PHF12: variants seen among roughly 807,000 people sequenced by gnomAD.
PHF12 encodes the protein PHD factor 1.
In PHF12, 6 loss-of-function variants were observed where a neutral mutation model predicts 99.8. The observed-to-expected ratio is 0.06, with a 90% CI of 0.03 to 0.12. The LOEUF is 0.12. PHF12 is among the 10% of genes least tolerant of loss of function. PHF12 has a pLI of 1.00. For missense variants in PHF12, 954 were observed against 1,300.1 expected (o/e 0.73, Z 4.09); for synonymous variants, 480 against 514.9 (o/e 0.93, Z 0.92).
Position 28,906,893 on chromosome 17 carries a change from G to T in PHF12, c.2643C>A (p.Pro881=), listed in dbSNP as rs1233454003. ...GCACTTTGGCAACAATACTGCTTGGGGGGGTTGGCGGGGTCTTCTCCGAGA... is the reference window on the plus strand; with the variant it reads ...GCACTTTGGCAACAATACTGCTTGGTGGGGTTGGCGGGGTCTTCTCCGAGA... The part of the protein sequence containing the change: ...CDFSEKTPPT[P]PSSIVAKVQS... The change falls in exon 14 of 15, where the codon CCC becomes CCA. Residue 881 remains proline (P), a synonymous_variant. Coordinates refer to ENST00000332830, the MANE Select transcript of PHF12 (RefSeq NM_001033561.2). This position sits in a 1 kb window ranked among gnomAD's most constrained non-coding sequence, Gnocchi z 4.2. The T allele has an allele frequency of 1.2e-6, 2 of 1,612,210 alleles. No homozygotes were observed. Among genetic ancestry groups the T allele is most frequent in the Non-Finnish European group, 1.7e-6 (2 of 1,179,184 alleles).
chr17:28,909,216 G>A (rs1025997681), intron 11 of PHF12: 8 of 256,838 alleles, frequency 3.1e-5, no homozygotes, highest in Admixed American at 9.6e-5. Flanking sequence ...AGACGGCATG[G>A]ACCAGTGTTT....
intron 2 of PHF12, among the ~76,000 whole-genome samples, chr17:28,945,795 T>C (rs1248236066): frequency 6.6e-6 from 1 of 152,178 alleles, no homozygotes; most frequent in East Asian, 1.9e-4. Context: ...ACTCATGGCA[T>C]GATAATTATG....
chr17:28,935,314 C>T (rs964905429), intron 2 of PHF12, among the ~76,000 whole-genome samples: 1 of 152,140 alleles, frequency 6.6e-6, no homozygotes, highest in African/African-American at 2.4e-5. Context: ...CTCTGTCGCC[C>T]AGGCTGGAAT....
chr17:28,951,073 C>T lies in PHF12; in HGVS notation c.-113G>A. 6.5e-7 allele frequency: 1 copy of T among 1,540,388 alleles called. No homozygotes were observed. The highest frequency in any genetic ancestry group is 8.7e-7 in the Non-Finnish European group (1 of 1,142,906). On this transcript the variant is annotated 5_prime_UTR_variant, in exon 1 of 15. Coordinates refer to ENST00000332830, the MANE Select transcript of PHF12 (RefSeq NM_001033561.2). ...CCCCGGCCCCGCTTTTTTCCCAATACGGGTCCCGACTTCCTCGCCCTGGCT... is the reference window on the plus strand; with the variant it reads ...CCCCGGCCCCGCTTTTTTCCCAATATGGGTCCCGACTTCCTCGCCCTGGCT...
chr17:28,944,557 G>C (rs1270068914), intron 2 of PHF12: 2 of 971,216 alleles, frequency 2.1e-6, no homozygotes, highest in African/African-American at 1.8e-5. Flanking sequence ...TAAGGCAGGA[G>C]AATCACTTGA....
chr17:28,917,214 G>C, intron 7 of PHF12, 71 bp downstream of exon 7: 1 of 1,602,492 alleles, frequency 6.2e-7, no homozygotes, highest in Non-Finnish European at 8.5e-7. Context: ...GTAAAATTGG[G>C]ACAGTGATCC....
chr17:28,948,587 A>C (rs2040755663), intron 2 of PHF12, among the ~76,000 whole-genome samples: 2 of 152,228 alleles, frequency 1.3e-5, no homozygotes, highest in East Asian at 1.9e-4. Context: ...GGAGTTTCCT[A>C]CATAACTTCT....
intron 10 of PHF12, chr17:28,910,827 G>A (rs1368904159): frequency 7.2e-6 from 3 of 417,000 alleles, no homozygotes; most frequent in Non-Finnish European, 1.3e-5. Context: ...AAATCCAGGT[G>A]ATCTGCCTAA....
At position 28,947,853 on chromosome 17, in the gene PHF12, CA is replaced by C. The variant is rs761075168; in HGVS notation, c.248+2211del. 7.3e-5 allele frequency among the ~76,000 whole-genome samples: 11 copies of C among 150,596 alleles called. No individual in the cohort carries two copies. The South Asian group carries it at 2.3e-3, about 32-fold the overall frequency. On this transcript the variant is annotated intron_variant, in intron 2 of 14. Transcript: ENST00000332830. ...AAGCACTACTTCATTTACACATTCA[CA>C]AATCTCTGATTACCAGTTCCCATTC... is the stretch of plus-strand genomic sequence containing the variant.
At chr17:28,931,581 C>CA (rs978648470) in intron 2 of PHF12, among the ~76,000 whole-genome samples, 1 of 148,126 alleles carries the variant, frequency 6.8e-6, no homozygotes, top group Non-Finnish European at 1.5e-5. Context: ...TTAAGATCTG[C>CA]TTTTTTTTTG....
chr17:28,919,645 CAGG>C (rs2040125580), intron 5 of PHF12, among the ~76,000 whole-genome samples: 1 of 152,156 alleles, frequency 6.6e-6, no homozygotes, highest in Admixed American at 6.5e-5. Flanking sequence ...GAGGCTGAGG[CAGG>C]AGAATTGCTT....
Position 28,951,376 on chromosome 17 carries a change from G to A in PHF12, c.-416C>T, listed in dbSNP as rs1015677383. 1.0e-6 allele frequency: 1 copy of A among 986,390 alleles called. No homozygotes were observed. The highest frequency in any genetic ancestry group is 1.7e-5 in the African/African-American group (1 of 57,292). The allele number at this position is 986,390 out of a possible 1,614,324, so 61.1% of individuals were successfully genotyped here. On this transcript the variant is annotated 5_prime_UTR_variant, in exon 1 of 15. Coordinates refer to ENST00000332830, the MANE Select transcript of PHF12 (RefSeq NM_001033561.2). Reference sequence around the variant, plus strand: ...AGGTTGTGGTACGTGAGGTGACTGGGGGGAGGGTGATGGGGGGTGGTCCCC... The same window carrying A: ...AGGTTGTGGTACGTGAGGTGACTGGAGGGAGGGTGATGGGGGGTGGTCCCC...
chr17:28,912,976 G>A lies in PHF12; in HGVS notation c.1595C>T (p.Thr532Ile). The change falls in exon 9 of 15, where the codon ACC (threonine) becomes ATC (isoleucine). Residue 532 changes from threonine to isoleucine, a missense_variant. By Grantham distance (89) the Thr-to-Ile change is moderately conservative (BLOSUM62 -1). Transcript: ENST00000332830. ...TGGCCCATTGGCAGTCCCACAAGGG[G>A]TTTTCTTGGATTTTTCCGCACAAGA... ...CSSCAEKSKK[T>I]PCGTANGPVN... 6.2e-7 allele frequency: 1 copy of A among 1,614,210 alleles called. No homozygotes were observed. Among genetic ancestry groups the A allele is most frequent in the East Asian group, 2.2e-5 (1 of 44,874 alleles).
rs764877679 is a variant in PHF12 at position 28,921,828 on chromosome 17, T to C, written c.716-20A>G. 15 of 1,613,488 alleles carry C rather than the reference T, an allele frequency of 9.3e-6. No homozygotes were observed. In the South Asian group the frequency reaches 1.7e-4, roughly 18 times the overall value. On this transcript the variant is annotated intron_variant, in intron 4 of 14. Transcript: ENST00000332830. Reference sequence around the variant, plus strand: ...TAGAACCTAGAAAAGAAAATGATGGTGCTGAGCTATCCCTGGCTTCAGAGT... The same window carrying C: ...TAGAACCTAGAAAAGAAAATGATGGCGCTGAGCTATCCCTGGCTTCAGAGT...
chr17:28,924,355 A>G, intron 3 of PHF12, 53 bp from the exon 4 acceptor site: 1 of 1,612,338 alleles, frequency 6.2e-7, no homozygotes, highest in South Asian at 1.1e-5. Flanking sequence ...AAACAAAGAG[A>G]TGGGTGCTAC....
At chr17:28,947,131 G>A (rs1330720257) in intron 2 of PHF12, among the ~76,000 whole-genome samples, 4 of 151,416 alleles carry the variant, frequency 2.6e-5, no homozygotes, top group South Asian at 2.1e-4. Flanking sequence ...CTACAGGCTC[G>A]TGCCACCACA....
At chr17:28,910,853 G>C (rs1457562662) in intron 10 of PHF12, 7 of 463,906 alleles carry the variant, frequency 1.5e-5, no homozygotes, top group South Asian at 1.1e-4. Context: ...TTTTGTTCTC[G>C]TCTCACTGGT....
At chr17:28,934,259 C>A (rs1248322621) in intron 2 of PHF12, among the ~76,000 whole-genome samples, 1 of 152,100 alleles carries the variant, frequency 6.6e-6, no homozygotes, top group Non-Finnish European at 1.5e-5. Flanking sequence ...CCATAAAGAC[C>A]CACATAAAAC....
intron 2 of PHF12, among the ~76,000 whole-genome samples, chr17:28,939,934 C>T (rs940698507): frequency 5.3e-5 from 8 of 152,302 alleles, no homozygotes; most frequent in Middle Eastern, 3.4e-3. Context: ...TATTTCAAAA[C>T]GAGCCTCACG....
Sources: gnomAD v4.1 joint callset for allele counts (sites outside exome capture counted in the v4.1 genomes callset) on GRCh38, gnomAD v4.1.1 for gene constraint, Gnocchi (gnomAD v3.1) non-coding constraint, MANE v1.5 for transcripts, NCBI Gene and HGNC (gene_info 2026-07-23, HGNC 2026-07-21) for gene names.